The following LGALS8 variants were observed in gnomAD, a reference collection of about 807,000 sequenced individuals.
LGALS8 encodes galectin 8, also known as galectin-8.
LGALS8 carries 30 observed loss-of-function variants against 35.9 expected under a neutral mutation model. The ratio of observed to expected loss-of-function variants is 0.83; its 90% CI spans 0.62 to 1.13. The LOEUF (loss-of-function observed/expected upper bound fraction) is 1.13, where lower values mean the gene tolerates loss of function less well. Among genes scored for constraint, LGALS8 ranks in the 50% most tolerant of loss-of-function variants. LGALS8 has a pLI of 0.00. For synonymous variants in LGALS8, 138 were observed against 136.1 expected (o/e 1.01, Z -0.10); for missense variants, 366 against 388.7 (o/e 0.94, Z 0.49).
chr1:236,524,507 C>T (rs945475414), intron 1 of LGALS8: 3 of 445,216 alleles, frequency 6.7e-6, no homozygotes, highest in Non-Finnish European at 1.4e-5. Flanking sequence ...ATTGCGTTCC[C>T]TGCCTCTAAC....
Position 236,544,916 on chromosome 1 carries a change from G to C in LGALS8, c.804+1G>C, listed in dbSNP as rs1662269144. On this transcript the variant is annotated splice_donor_variant, in intron 9 of 9. Transcript: ENST00000366584. LOFTEE classifies it high-confidence loss of function. ...ATTTAGTCCTGGGATGTACTTTGAG[G>C]TGAGGTTACAGTTTTTGAAAATGGG... 6.2e-7 allele frequency: 1 copy of C among 1,603,146 alleles called. No individual in the cohort carries two copies. Among genetic ancestry groups the C allele is most frequent in the Non-Finnish European group, 8.5e-7 (1 of 1,173,948 alleles).
In LGALS8 at chr1:236,524,032, C is replaced by A; in HGVS notation, c.-133C>A. On this transcript the variant is annotated 5_prime_UTR_variant, in exon 1 of 10. Coordinates refer to ENST00000366584, the MANE Select transcript of LGALS8 (RefSeq NM_201544.4). ...CTTAGCTGCTGACAAACAACCTGCT[C>A]CGTGGAGCGCCTGAAACACCAGTCT... 2 of 445,246 alleles carry A rather than the reference C, an allele frequency of 4.5e-6. No individual in the cohort carries two copies. The highest frequency in any genetic ancestry group is 4.8e-5 in the Admixed American group (2 of 41,426). 27.6% of individuals were successfully genotyped at this position (445,246 alleles called of 1,614,324 possible).
intron 1 of LGALS8, chr1:236,518,334 A>G (rs56239009): frequency 0.25 from 38,169 of 151,862 alleles, 5,315 homozygotes; most frequent in Non-Finnish European, 0.31. Flanking sequence ...GAAAAAAAAG[A>G]GTTTGGTGCT....
At chr1:236,518,874 A>G (rs1379486537), upstream of LGALS8, among the ~76,000 whole-genome samples, 5 of 152,196 alleles carry the variant, frequency 3.3e-5, no homozygotes, top group African/African-American at 1.2e-4. Flanking sequence ...CATGTTAACA[A>G]AAGTGACACA....
chr1:236,535,060 C>CAA lies in LGALS8; in HGVS notation c.46-2414_46-2413dup, dbSNP rs5781893. On this transcript the variant is annotated intron_variant, in intron 2 of 9. Coordinates refer to ENST00000366584, the MANE Select transcript of LGALS8 (RefSeq NM_201544.4). ...TGGGGGACAGAGTGAGACTCTGTCT[C>CAA]AAAAAAAAAAAAAAAAAAAAAAAAG... 7.1e-3 allele frequency among the ~76,000 whole-genome samples: 461 copies of CAA among 64,662 alleles called. 16 individuals carry two copies. Among genetic ancestry groups the CAA allele is most frequent in the African/African-American group, 0.019 (309 of 15,914 alleles). The allele number at this position is 64,662 out of a possible 152,430, so 42.4% of individuals were successfully genotyped here.
At chr1:236,528,803 G>C (rs868836434) in intron 2 of LGALS8, among the ~76,000 whole-genome samples, 17 of 152,082 alleles carry the variant, frequency 1.1e-4, no homozygotes, top group Admixed American at 5.9e-4. Flanking sequence ...TTACAGGCAT[G>C]AGCCACCATG....
At chr1:236,540,437 G>T in intron 4 of LGALS8, 127 bp from the exon 5 acceptor site, 1 of 1,105,590 alleles carries the variant, frequency 9.0e-7, no homozygotes, top group Non-Finnish European at 1.2e-6. Context: ...TTGGTCATGT[G>T]TGTGGAGACC....
intron 6 of LGALS8, chr1:236,542,394 G>A: frequency 3.9e-6 from 1 of 255,554 alleles, no homozygotes; most frequent in Non-Finnish European, 7.4e-6. Flanking sequence ...GTAGGCGGAT[G>A]ACTTGAGCCC....
At chr1:236,539,276 C>T in intron 4 of LGALS8, 187 bp downstream of exon 4, 1 of 588,930 alleles carries the variant, frequency 1.7e-6, no homozygotes, top group South Asian at 2.0e-5. Flanking sequence ...CACTACTCTC[C>T]AGCCAGTTGT....
At chr1:236,527,659 C>T (rs1660885609) in intron 2 of LGALS8, among the ~76,000 whole-genome samples, 1 of 150,650 alleles carries the variant, frequency 6.6e-6, no homozygotes, top group South Asian at 2.1e-4. Context: ...GAATTTCTCT[C>T]ATTTGTAGCT....
At chr1:236,529,312 C>T (rs1032957911) in intron 2 of LGALS8, among the ~76,000 whole-genome samples, 9 of 147,952 alleles carry the variant, frequency 6.1e-5, no homozygotes, top group African/African-American at 1.2e-4. Context: ...CCGGGTGCTG[C>T]GGCTCATGCC....
At chr1:236,524,255 C>T (rs368978323) in intron 1 of LGALS8, 194 bp downstream of exon 1, 1 of 455,956 alleles carries the variant, frequency 2.2e-6, no homozygotes, top group South Asian at 1.5e-5. Flanking sequence ...GTGGCGGGGA[C>T]GCTGCCTCTG....
chr1:236,536,950 G>C (rs1661550174), intron 2 of LGALS8, among the ~76,000 whole-genome samples: 1 of 148,780 alleles, frequency 6.7e-6, no homozygotes, highest in Non-Finnish European at 1.5e-5. Flanking sequence ...TATTTACCTT[G>C]TGTCTCTTTC....
chr1:236,543,724 G>A, intron 8 of LGALS8, 76 bp downstream of exon 8: 1 of 1,030,432 alleles, frequency 9.7e-7, no homozygotes, highest in Non-Finnish European at 1.5e-6. Context: ...GAACGGTCCT[G>A]TGAGCTGGAA....
At chr1:236,528,141 G>T (rs1182092646) in intron 2 of LGALS8, among the ~76,000 whole-genome samples, 1 of 152,166 alleles carries the variant, frequency 6.6e-6, no homozygotes, top group Non-Finnish European at 1.5e-5. Flanking sequence ...CCAGCACTTT[G>T]GGAGGCCGAG....
intron 2 of LGALS8, among the ~76,000 whole-genome samples, chr1:236,530,915 C>T (rs1376669366): frequency 1.3e-5 from 2 of 152,178 alleles, no homozygotes; most frequent in African/African-American, 4.8e-5. Context: ...AGGGCAATCA[C>T]TTTTTACTGG....
chr1:236,547,404 G>A (rs991683064), intron 9 of LGALS8, among the ~76,000 whole-genome samples: 2 of 152,270 alleles, frequency 1.3e-5, no homozygotes, highest in East Asian at 3.9e-4. Context: ...CAGCTTTGAC[G>A]GCTTTGGACA....
rs1438883981 is a variant in LGALS8, at chr1:236,524,007, C to T, written c.-158C>T. ...GCCAGAGCCGGGAACCCTGACGGCA[C>T]TTAGCTGCTGACAAACAACCTGCTC... On this transcript the variant is annotated 5_prime_UTR_variant, in exon 1 of 10. Transcript: ENST00000366584. The T allele has an allele frequency of 2.4e-6, 1 of 414,878 alleles. No homozygotes were observed. Among genetic ancestry groups the T allele is most frequent in the African/African-American group, 2.0e-5 (1 of 49,144 alleles). 25.7% of individuals were successfully genotyped at this position (414,878 alleles called of 1,614,324 possible).
rs1294042584 is a variant in LGALS8 at position 236,552,153 on chromosome 1, A to G, written c.*3992A>G. ...AAGAAATAAAAAGTAGTGTTACTGTATTTATTATCTTAAGAGCTGTACTGA... is the reference window on the plus strand; with the variant it reads ...AAGAAATAAAAAGTAGTGTTACTGTGTTTATTATCTTAAGAGCTGTACTGA... On this transcript the variant is annotated 3_prime_UTR_variant, in exon 10 of 10. Coordinates refer to ENST00000366584, the MANE Select transcript of LGALS8 (RefSeq NM_201544.4). 5.5e-6 allele frequency: 7 copies of G among 1,272,166 alleles called. No individual in the cohort carries two copies. The highest frequency in any genetic ancestry group is 8.0e-6 in the Non-Finnish European group (7 of 875,624). The allele number at this position is 1,272,166 out of a possible 1,614,324, so 78.8% of individuals were successfully genotyped here.
Sources: allele counts gnomAD v4.1 joint callset (sites outside exome capture counted in the v4.1 genomes callset), GRCh38; gene constraint gnomAD v4.1.1; transcripts MANE v1.5; gene names NCBI Gene and HGNC (gene_info 2026-07-23, HGNC 2026-07-21).